CCSER1: variants seen among roughly 807,000 people sequenced by gnomAD.
CCSER1 encodes serine-rich coiled-coil domain-containing protein 1.
CCSER1 carries 41 observed loss-of-function variants against 82.0 expected under a neutral mutation model. That is an observed-to-expected ratio of 0.50 (90% CI 0.39 to 0.65). The LOEUF is 0.65. CCSER1 is among the 30% of genes least tolerant of loss of function. CCSER1 has a pLI of 0.00. For missense variants in CCSER1, 1,119 were observed against 1,064.2 expected, an observed-to-expected ratio of 1.05 and a Z score of -0.72; for synonymous variants, 414 against 383.9, an observed-to-expected ratio of 1.08 and a Z score of -0.92.
At chr4:90,172,301 T>C (rs1432620085) in intron 1 of CCSER1, among the ~76,000 whole-genome samples, 1 of 151,826 alleles carries the variant, frequency 6.6e-6, no homozygotes, top group Non-Finnish European at 1.5e-5. Context: ...AGGATAAAGA[T>C]ATACCCAGAG....
At chr4:90,922,810 G>A (rs772317887) in intron 8 of CCSER1, among the ~76,000 whole-genome samples, 3 of 152,018 alleles carry the variant, frequency 2.0e-5, no homozygotes, top group African/African-American at 7.2e-5. Context: ...TCGTAGTTTC[G>A]CATTTGAAAT....
intron 6 of CCSER1, among the ~76,000 whole-genome samples, chr4:90,630,954 C>T (rs907443889): frequency 2.0e-5 from 3 of 151,014 alleles, no homozygotes; most frequent in African/African-American, 4.8e-5. Context: ...AGTGCAGTGG[C>T]GCGATCTCAG....
At position 91,294,201 on chromosome 4, in the gene CCSER1, T is replaced by C. The variant is rs180726252; in HGVS notation, c.2217+208207T>C. ...GCTGCATTTAGTTGAATTTTTATGA[T>C]ACTCATTTCTAAATCATCAGCAATA... is the stretch of plus-strand genomic sequence containing the variant. On this transcript the variant is annotated intron_variant, in intron 10 of 10. Transcript: ENST00000509176. 1.8e-4 allele frequency among the ~76,000 whole-genome samples: 28 copies of C among 152,124 alleles called. No individual in the cohort carries two copies. The East Asian group carries it at 3.9e-3, about 21-fold the overall frequency.
intron 6 of CCSER1, among the ~76,000 whole-genome samples, chr4:90,694,829 T>G (rs1736716613): frequency 1.1e-4 from 16 of 150,592 alleles, no homozygotes; most frequent in Admixed American, 1.0e-3. Flanking sequence ...TGTGTGTGTT[T>G]TAGTTTATGA....
intron 7 of CCSER1, among the ~76,000 whole-genome samples, chr4:90,792,856 A>G (rs1245746882): frequency 6.6e-6 from 1 of 152,132 alleles, no homozygotes; most frequent in Non-Finnish European, 1.5e-5. Flanking sequence ...GGCTGTCCCT[A>G]GTTGCCTGGT....
intron 8 of CCSER1, among the ~76,000 whole-genome samples, chr4:90,912,986 T>C (rs929653784): frequency 6.6e-6 from 1 of 152,232 alleles, no homozygotes; most frequent in Non-Finnish European, 1.5e-5. Flanking sequence ...TATGGGACTA[T>C]GTGAAAAGAC....
At chr4:90,135,344 GA>G (rs897565390) in intron 1 of CCSER1, among the ~76,000 whole-genome samples, 2 of 150,568 alleles carry the variant, frequency 1.3e-5, no homozygotes, top group African/African-American at 4.9e-5. Context: ...CCCCCCCTTT[GA>G]AAAAAAACAA....
intron 7 of CCSER1, among the ~76,000 whole-genome samples, chr4:90,753,643 TCTCC>T (rs1749062098): frequency 6.6e-6 from 1 of 152,104 alleles, no homozygotes; most frequent in Non-Finnish European, 1.5e-5. Flanking sequence ...CCCACTCTTG[TCTCC>T]CCTGTAATTC....
At chr4:91,347,026 T>C (rs1447567782) in intron 10 of CCSER1, among the ~76,000 whole-genome samples, 1 of 152,128 alleles carries the variant, frequency 6.6e-6, no homozygotes, top group Admixed American at 6.5e-5. Context: ...GTTTGTTTTA[T>C]GCATCAGGCT....
intron 1 of CCSER1, among the ~76,000 whole-genome samples, chr4:90,218,084 G>T (rs1741442364): frequency 6.6e-6 from 1 of 151,978 alleles, no homozygotes; most frequent in African/African-American, 2.4e-5. Context: ...TACAGGCATG[G>T]GTCCCCATAC....
intron 10 of CCSER1, among the ~76,000 whole-genome samples, chr4:91,497,815 T>A (rs1387042879): frequency 2.0e-5 from 3 of 151,960 alleles, no homozygotes; most frequent in Admixed American, 1.3e-4. Flanking sequence ...CTAAATGAAC[T>A]GATATTTAAT....
At chr4:90,483,698 G>A (rs1172727331) in intron 5 of CCSER1, among the ~76,000 whole-genome samples, 6 of 152,094 alleles carry the variant, frequency 3.9e-5, no homozygotes, top group East Asian at 1.9e-4. Context: ...TTGAATATTG[G>A]CCCCCACTCT....
intron 5 of CCSER1, among the ~76,000 whole-genome samples, chr4:90,502,848 T>G (rs191043420): frequency 6.6e-6 from 1 of 152,178 alleles, no homozygotes; most frequent in East Asian, 1.9e-4. Context: ...AACAAATAGC[T>G]GAAACTTCTG....
At chr4:91,431,659 G>A (rs1214219301) in intron 10 of CCSER1, among the ~76,000 whole-genome samples, 2 of 151,990 alleles carry the variant, frequency 1.3e-5, no homozygotes, top group Non-Finnish European at 2.9e-5. Flanking sequence ...TAGAAATGGG[G>A]TTTCCCCATG....
intron 9 of CCSER1, among the ~76,000 whole-genome samples, chr4:90,968,084 C>T (rs1016830050): frequency 6.6e-6 from 1 of 151,854 alleles, no homozygotes; most frequent in Non-Finnish European, 1.5e-5. Flanking sequence ...CCCTTCCAAA[C>T]CTCACAGATA....
intron 1 of CCSER1, among the ~76,000 whole-genome samples, chr4:90,128,825 CTT>C (rs1722320051): frequency 6.6e-6 from 1 of 151,956 alleles, no homozygotes; most frequent in South Asian, 2.1e-4. Context: ...GAACTGCTCT[CTT>C]TCTCTCTCTC....
At chr4:90,634,445 GT>G (rs927198265) in intron 6 of CCSER1, among the ~76,000 whole-genome samples, 26 of 150,734 alleles carry the variant, frequency 1.7e-4, no homozygotes, top group African/African-American at 4.6e-4. Flanking sequence ...AAAATTTTTG[GT>G]TTTTTTTCAG....
Position 90,780,576 on chromosome 4 carries a change from G to C in CCSER1, c.2011-35186G>C, listed in dbSNP as rs992912709. On this transcript the variant is annotated intron_variant, in intron 7 of 10. Transcript: ENST00000509176. ...AAAGAATAAAGACTCTTTCCATCCA[G>C]TTCTCTAGTCTGAAAGGAAAAGAAA... 5 of 1,518,784 alleles carry C rather than the reference G, an allele frequency of 3.3e-6. No homozygotes were observed. In the African/African-American group the frequency reaches 5.6e-5, roughly 17 times the overall value. 94.1% of individuals were successfully genotyped at this position (1,518,784 alleles called of 1,614,324 possible).
chr4:91,167,357 T>C (rs189693619), intron 10 of CCSER1, among the ~76,000 whole-genome samples: 1 of 152,142 alleles, frequency 6.6e-6, no homozygotes, highest in African/African-American at 2.4e-5. Context: ...AGCTAATTTT[T>C]GTATTTTCAG....
Sources: allele counts gnomAD v4.1 joint callset (sites outside exome capture counted in the v4.1 genomes callset), GRCh38; gene constraint gnomAD v4.1.1; transcripts MANE v1.5; gene names NCBI Gene and HGNC (gene_info 2026-07-23, HGNC 2026-07-21).